FAM135B: variants seen among roughly 807,000 people sequenced by gnomAD.
The protein encoded by FAM135B is family with sequence similarity 135 member B.
A neutral mutation model predicts 127.7 loss-of-function variants in FAM135B; 43 were observed. The ratio of observed to expected loss-of-function variants is 0.34; its 90% CI spans 0.26 to 0.43. The LOEUF is 0.43. FAM135B is among the 20% of genes least tolerant of loss of function. The pLI, the probability that FAM135B is intolerant of heterozygous loss-of-function variation, is 1.00. For missense variants in FAM135B, 1,558 were observed against 1,725.6 expected, an observed-to-expected ratio of 0.90 and a Z score of 1.72; for synonymous variants, 670 against 665.1, an observed-to-expected ratio of 1.01 and a Z score of -0.11.
At chr8:138,139,629 G>A (rs1278387203) in intron 17 of FAM135B, among the ~76,000 whole-genome samples, 2 of 152,146 alleles carry the variant, frequency 1.3e-5, no homozygotes, top group Admixed American at 1.3e-4. Flanking sequence ...AGCCAGGCAT[G>A]GTGGCAGGCA....
chr8:138,262,176 C>G (rs1040895385), intron 4 of FAM135B, among the ~76,000 whole-genome samples: 1 of 152,162 alleles, frequency 6.6e-6, no homozygotes, highest in African/African-American at 2.4e-5. Flanking sequence ...CAACCTCACA[C>G]GACCTAAGGT....
intron 11 of FAM135B, among the ~76,000 whole-genome samples, chr8:138,176,541 C>A (rs1466833083): frequency 6.6e-6 from 1 of 152,146 alleles, no homozygotes; most frequent in Non-Finnish European, 1.5e-5. Flanking sequence ...CTTGCAGAAT[C>A]CATGAGACAA....
chr8:138,393,433 C>T (rs1318046929), intron 1 of FAM135B, among the ~76,000 whole-genome samples: 1 of 150,514 alleles, frequency 6.6e-6, no homozygotes. Context: ...GGTGGGGATA[C>T]ACTCTAGGAC....
chr8:138,429,279 C>T (rs1290579986), intron 1 of FAM135B, among the ~76,000 whole-genome samples: 4 of 152,094 alleles, frequency 2.6e-5, no homozygotes, highest in African/African-American at 9.7e-5. Flanking sequence ...AGGACCATGT[C>T]CTATTCACAC....
At chr8:138,403,159 T>C (rs1372829812) in intron 1 of FAM135B, among the ~76,000 whole-genome samples, 6 of 152,198 alleles carry the variant, frequency 3.9e-5, no homozygotes, top group Non-Finnish European at 8.8e-5. Context: ...TGAGAAAATA[T>C]TTATCTCACT....
intron 2 of FAM135B, among the ~76,000 whole-genome samples, chr8:138,316,480 C>T (rs561345028): frequency 3.4e-4 from 50 of 148,704 alleles, no homozygotes; most frequent in Non-Finnish European, 6.8e-4. Flanking sequence ...GGCGACAGAA[C>T]GAGACTCCGT....
intron 1 of FAM135B, among the ~76,000 whole-genome samples, chr8:138,410,705 C>T (rs1833813175): frequency 6.6e-6 from 1 of 152,196 alleles, no homozygotes; most frequent in Non-Finnish European, 1.5e-5. Context: ...ATTACCTCAG[C>T]CACTGTGGAA....
intron 7 of FAM135B, among the ~76,000 whole-genome samples, chr8:138,240,267 C>G (rs1820644252): frequency 6.6e-6 from 1 of 152,160 alleles, no homozygotes; most frequent in Non-Finnish European, 1.5e-5. Flanking sequence ...GTAACAGTCT[C>G]CGAGATAGAA....
intron 7 of FAM135B, among the ~76,000 whole-genome samples, chr8:138,225,183 C>G (rs151184544): frequency 1.3e-3 from 190 of 151,990 alleles, no homozygotes; most frequent in African/African-American, 4.4e-3. Context: ...ATACATAGAT[C>G]AAAAGAATTA....
chr8:138,307,394 C>T (rs116310465), intron 3 of FAM135B, among the ~76,000 whole-genome samples: 2,065 of 152,206 alleles, frequency 0.014, 33 homozygotes, highest in African/African-American at 0.044. Flanking sequence ...CCCAGTCTTG[C>T]GTATGTCTTT....
chr8:138,211,918 A>C (rs1818172626), intron 7 of FAM135B, among the ~76,000 whole-genome samples: 1 of 152,008 alleles, frequency 6.6e-6, no homozygotes, highest in Non-Finnish European at 1.5e-5. Context: ...AAATACAAAA[A>C]TTAGCCAGGC....
At chr8:138,301,208 G>T (rs1404008274) in intron 3 of FAM135B, among the ~76,000 whole-genome samples, 4 of 152,116 alleles carry the variant, frequency 2.6e-5, no homozygotes, top group African/African-American at 7.2e-5. Flanking sequence ...GTTTGAGGGG[G>T]TACAGAACAG....
At chr8:138,331,310 T>G (rs1159435320) in intron 2 of FAM135B, among the ~76,000 whole-genome samples, 1 of 152,220 alleles carries the variant, frequency 6.6e-6, no homozygotes, top group African/African-American at 2.4e-5. Flanking sequence ...ATCAAAGGTC[T>G]TCGCAGCATT....
In FAM135B at chr8:138,299,607, A is replaced by C. The variant is rs60229373; in HGVS notation, c.157+11234T>G. On this transcript the variant is annotated intron_variant, in intron 3 of 19. Transcript: ENST00000395297. ...CACATACACACACACACACACACAC[A>C]CCCACGATCCAAATATAAAAATTAA... Among the ~76,000 whole-genome samples the C allele has an allele frequency of 9.7e-4, 148 of 152,064 alleles. 2 individuals carry two copies. The highest frequency in any genetic ancestry group is 6.0e-3 in the East Asian group (31 of 5,150).
chr8:138,341,924 A>T lies in FAM135B; in HGVS notation c.77+25983T>A, dbSNP rs574978666. On this transcript the variant is annotated intron_variant, in intron 2 of 19. Coordinates refer to ENST00000395297, the MANE Select transcript of FAM135B (RefSeq NM_015912.4). ...AATAAGCCTTTAACACGTTTATACT[A>T]CACACTACTCTATATACTATTTTAG... 2.8e-4 allele frequency among the ~76,000 whole-genome samples: 42 copies of T among 152,180 alleles called. 1 individual carries two copies. The highest frequency in any genetic ancestry group is 2.9e-5 in the Non-Finnish European group (2 of 68,034).
Position 138,242,835 on chromosome 8 carries a change from A to G in FAM135B, c.669+107T>C. 1 of 1,452,936 alleles carries G rather than the reference A, an allele frequency of 6.9e-7. No individual in the cohort carries two copies. Among genetic ancestry groups the G allele is most frequent in the Middle Eastern group, 1.8e-4 (1 of 5,438 alleles). 90.0% of individuals were successfully genotyped at this position (1,452,936 alleles called of 1,614,324 possible). On this transcript the variant is annotated intron_variant, in intron 7 of 19. Coordinates refer to ENST00000395297, the MANE Select transcript of FAM135B (RefSeq NM_015912.4). This position sits in a 1 kb window ranked among gnomAD's most constrained non-coding sequence, Gnocchi z 9.6. ...TGGTGAAAGGAAGGGTCAAATTAGC[A>G]AAAATCTCTGAAGGGGATGTTTCAA...
chr8:138,203,162 T>A (rs1457704415), intron 7 of FAM135B, among the ~76,000 whole-genome samples: 1 of 152,230 alleles, frequency 6.6e-6, no homozygotes, highest in East Asian at 1.9e-4. Context: ...TGTTATCAAC[T>A]CTTTCCTTTA....
chr8:138,494,129 GT>G (rs752511542), intron 1 of FAM135B, among the ~76,000 whole-genome samples: 4 of 152,214 alleles, frequency 2.6e-5, no homozygotes, highest in Non-Finnish European at 5.9e-5. Context: ...ATGTGCTTCT[GT>G]TCTCCTTCAC....
chr8:138,153,621 G>A (rs9774731), intron 12 of FAM135B, among the ~76,000 whole-genome samples: 81,418 of 152,056 alleles, frequency 0.54, 22,390 homozygotes, highest in East Asian at 0.77. Flanking sequence ...GTTAGCAAAC[G>A]GCACACCAGG....
Sources: allele counts gnomAD v4.1 joint callset (sites outside exome capture counted in the v4.1 genomes callset), GRCh38; gene constraint gnomAD v4.1.1; non-coding constraint Gnocchi (gnomAD v3.1); transcripts MANE v1.5; gene names NCBI Gene and HGNC (gene_info 2026-07-23, HGNC 2026-07-21).